Variants in DDX10 observed in about 807,000 individuals in gnomAD.
The protein encoded by DDX10 is probable ATP-dependent RNA helicase DDX10.
Under a neutral mutation model 104.3 loss-of-function variants are expected in DDX10, and 74 were observed. That is an observed-to-expected ratio of 0.71 (90% CI 0.59 to 0.86). DDX10 has a LOEUF of 0.86. Ranked by LOEUF, DDX10 falls within the 40% of genes least tolerant of loss-of-function variation. The pLI is 0.00. For synonymous variants in DDX10, 351 were observed against 353.4 expected (o/e 0.99, Z 0.08); for missense variants, 952 against 1,040.0 (o/e 0.92, Z 1.16).
intron 1 of DDX10, 73 bp downstream of exon 1, chr11:108,665,412 CA>C: frequency 6.8e-7 from 1 of 1,462,012 alleles, no homozygotes; most frequent in Non-Finnish European, 9.1e-7. Flanking sequence ...CGAGGAGTTG[CA>C]GAGTGGAGGC....
intron 9 of DDX10, among the ~76,000 whole-genome samples, chr11:108,703,451 T>C (rs1053245081): frequency 6.6e-6 from 1 of 151,980 alleles, no homozygotes; most frequent in East Asian, 1.9e-4. Flanking sequence ...TGCCTTGGCC[T>C]CTCGAGTAGC....
At chr11:108,785,873 C>A (rs1453726311) in intron 13 of DDX10, among the ~76,000 whole-genome samples, 1 of 151,912 alleles carries the variant, frequency 6.6e-6, no homozygotes, top group Non-Finnish European at 1.5e-5. Flanking sequence ...TTAATTATTT[C>A]TTCTACCAGC....
intron 6 of DDX10, among the ~76,000 whole-genome samples, chr11:108,681,774 A>G (rs911037540): frequency 6.6e-6 from 1 of 152,214 alleles, no homozygotes; most frequent in African/African-American, 2.4e-5. Flanking sequence ...TTCAGTGACA[A>G]GTTGAATTCT....
chr11:108,856,488 C>CAA (rs71050894), intron 16 of DDX10, among the ~76,000 whole-genome samples: 4 of 149,242 alleles, frequency 2.7e-5, no homozygotes, highest in Non-Finnish European at 6.0e-5. Context: ...AAAAACAAAA[C>CAA]AAAAAAAAAA....
chr11:108,940,638 T>C lies in DDX10; in HGVS notation c.*215T>C. 1 of 400,150 alleles carries C rather than the reference T, an allele frequency of 2.5e-6. No homozygotes were observed. Among genetic ancestry groups the C allele is most frequent in the Non-Finnish European group, 4.4e-6 (1 of 225,606 alleles). 24.8% of individuals were successfully genotyped at this position (400,150 alleles called of 1,614,324 possible). On this transcript the variant is annotated 3_prime_UTR_variant, in exon 18 of 18. Coordinates refer to ENST00000322536, the MANE Select transcript of DDX10 (RefSeq NM_004398.4). The stretch of plus-strand genomic sequence containing the variant: ...TCAGATCGAGGGTGGATGATACCAT[T>C]TCCTGACCCCGTTTTCCAGCATGTG...
intron 13 of DDX10, among the ~76,000 whole-genome samples, chr11:108,731,114 G>A (rs1024872794): frequency 3.3e-5 from 5 of 150,650 alleles, no homozygotes; most frequent in South Asian, 4.3e-4. Flanking sequence ...TGCAGTGGCC[G>A]ATCTTGGCTC....
chr11:108,871,624 C>A (rs576483820), intron 16 of DDX10, among the ~76,000 whole-genome samples: 3 of 152,162 alleles, frequency 2.0e-5, no homozygotes, highest in African/African-American at 7.2e-5. Flanking sequence ...ACCAGTCCCA[C>A]GAATTTAAGA....
At chr11:108,714,180 T>C (rs1037195839) in intron 10 of DDX10, among the ~76,000 whole-genome samples, 1 of 152,340 alleles carries the variant, frequency 6.6e-6, no homozygotes, top group Non-Finnish European at 1.5e-5. Flanking sequence ...CTCATGAGTG[T>C]GGGGCTGCCT....
intron 16 of DDX10, among the ~76,000 whole-genome samples, chr11:108,891,187 C>G (rs1025686782): frequency 6.6e-6 from 1 of 152,170 alleles, no homozygotes; most frequent in African/African-American, 2.4e-5. Context: ...TTTAGGCCAG[C>G]ATTCTCAAAA....
intron 16 of DDX10, among the ~76,000 whole-genome samples, chr11:108,891,296 A>G (rs927693065): frequency 1.3e-5 from 2 of 151,972 alleles, no homozygotes; most frequent in African/African-American, 4.8e-5. Flanking sequence ...TGTGCTCCCA[A>G]CTTTCTTCCA....
chr11:108,900,233 A>T (rs1863499112), intron 16 of DDX10, among the ~76,000 whole-genome samples: 1 of 152,190 alleles, frequency 6.6e-6, no homozygotes. Flanking sequence ...CACTAGTGTG[A>T]TGCTTCTTGT....
At chr11:108,862,451 A>G (rs1401081420) in intron 16 of DDX10, among the ~76,000 whole-genome samples, 2 of 152,258 alleles carry the variant, frequency 1.3e-5, no homozygotes, top group African/African-American at 2.4e-5. Context: ...TAGAAGCATT[A>G]GGAGCCTTAG....
intron 13 of DDX10, among the ~76,000 whole-genome samples, chr11:108,725,616 G>T (rs2094304472): frequency 6.6e-6 from 1 of 152,080 alleles, no homozygotes; most frequent in African/African-American, 2.4e-5. Context: ...TTGGTGAAAT[G>T]TCTTCAAGTC....
chr11:108,931,809 T>C (rs1863979098), intron 17 of DDX10, among the ~76,000 whole-genome samples: 1 of 150,178 alleles, frequency 6.7e-6, no homozygotes, highest in Non-Finnish European at 1.5e-5. Flanking sequence ...TGTCTTCAGA[T>C]CCTGTGTCTC....
intron 16 of DDX10, among the ~76,000 whole-genome samples, chr11:108,878,575 C>T (rs1347758050): frequency 1.3e-5 from 2 of 152,186 alleles, no homozygotes; most frequent in East Asian, 3.8e-4. Context: ...GTTTTTGCCA[C>T]AATAACCCAT....
At chr11:108,910,689 C>CT in intron 16 of DDX10, among the ~76,000 whole-genome samples, 1 of 151,148 alleles carries the variant, frequency 6.6e-6, no homozygotes, top group South Asian at 2.1e-4. Context: ...TAAAATACTC[C>CT]CCCTTTCTGC....
chr11:108,671,609 A>G (rs2094217100), intron 1 of DDX10, among the ~76,000 whole-genome samples: 1 of 152,200 alleles, frequency 6.6e-6, no homozygotes, highest in Admixed American at 6.5e-5. Context: ...TATGGTCCAT[A>G]CAGTCTCCGC....
At chr11:108,683,372 T>C (rs1275039355) in intron 6 of DDX10, among the ~76,000 whole-genome samples, 1 of 152,238 alleles carries the variant, frequency 6.6e-6, no homozygotes, top group Non-Finnish European at 1.5e-5. Context: ...GCGACTGATG[T>C]GTTTAGGCTT....
chr11:108,678,891 T>TC (rs2094230210), intron 5 of DDX10, among the ~76,000 whole-genome samples: 2 of 143,450 alleles, frequency 1.4e-5, no homozygotes, highest in Non-Finnish European at 3.1e-5. Flanking sequence ...TTTTTTTTTT[T>TC]TTTTTATACA....
Sources: gnomAD v4.1 joint callset for allele counts (sites outside exome capture counted in the v4.1 genomes callset) on GRCh38, gnomAD v4.1.1 for gene constraint, MANE v1.5 for transcripts, NCBI Gene and HGNC (gene_info 2026-07-23, HGNC 2026-07-21) for gene names.